The following ROBO2 variants were observed in gnomAD, a reference collection of about 807,000 sequenced individuals.
The protein encoded by ROBO2 is roundabout homolog 2.
In ROBO2, 53 loss-of-function variants were observed where a neutral mutation model predicts 160.8. That is an observed-to-expected ratio of 0.33 (90% CI 0.26 to 0.41). The LOEUF is 0.41. Ranked by LOEUF, ROBO2 falls within the 10% of genes least tolerant of loss-of-function variation. ROBO2 has a pLI of 1.00. For synonymous variants in ROBO2, 664 were observed against 611.7 expected, an observed-to-expected ratio of 1.09 and a Z score of -1.26; for missense variants, 1,577 against 1,722.4, an observed-to-expected ratio of 0.92 and a Z score of 1.49.
intron 2 of ROBO2, among the ~76,000 whole-genome samples, chr3:77,117,694 T>G (rs903200685): frequency 2.0e-5 from 3 of 152,200 alleles, no homozygotes; most frequent in African/African-American, 7.2e-5. Context: ...GTTGAGAAAT[T>G]AATAGATTGT....
At chr3:77,109,173 T>A (rs2073241521) in intron 2 of ROBO2, among the ~76,000 whole-genome samples, 1 of 152,228 alleles carries the variant, frequency 6.6e-6, no homozygotes, top group Admixed American at 6.5e-5. Flanking sequence ...GCTAGAGTTT[T>A]GTACAGTACC....
At chr3:76,903,566 G>A (rs1236211333) in intron 2 of ROBO2, among the ~76,000 whole-genome samples, 1 of 152,048 alleles carries the variant, frequency 6.6e-6, no homozygotes, top group Non-Finnish European at 1.5e-5. Flanking sequence ...CACCATCCCA[G>A]TACTGGTAGT....
At chr3:77,024,532 G>T (rs1222191393) in intron 2 of ROBO2, among the ~76,000 whole-genome samples, 2 of 152,084 alleles carry the variant, frequency 1.3e-5, no homozygotes, top group East Asian at 3.9e-4. Flanking sequence ...TGTTTAGGGA[G>T]AATGGTGTAC....
chr3:77,365,612 C>T (rs1038980582), intron 2 of ROBO2, among the ~76,000 whole-genome samples: 4 of 152,126 alleles, frequency 2.6e-5, no homozygotes, highest in Non-Finnish European at 4.4e-5. Flanking sequence ...GTAACACTCA[C>T]TTTGTGTACC....
intron 2 of ROBO2, among the ~76,000 whole-genome samples, chr3:77,180,990 C>T (rs1346050994): frequency 6.6e-6 from 1 of 152,040 alleles, no homozygotes; most frequent in Non-Finnish European, 1.5e-5. Context: ...CTGCCAAACT[C>T]AACAGACACC....
chr3:77,574,843 G>A (rs2093721829), intron 14 of ROBO2, 113 bp downstream of exon 15: 2 of 798,436 alleles, frequency 2.5e-6, no homozygotes, highest in Non-Finnish European at 4.2e-6. Context: ...AAAGTAAATT[G>A]AGGAAGTGTC....
intron 2 of ROBO2, among the ~76,000 whole-genome samples, chr3:76,215,732 C>G (rs1009724663): frequency 1.3e-5 from 2 of 152,188 alleles, no homozygotes; most frequent in Non-Finnish European, 2.9e-5. Context: ...TTGGAAAACT[C>G]TCTTCAGGTT....
chr3:77,336,674 G>A (rs757420234), intron 2 of ROBO2, among the ~76,000 whole-genome samples: 11 of 152,152 alleles, frequency 7.2e-5, no homozygotes, highest in Non-Finnish European at 1.3e-4. Context: ...GAAAGTAGCT[G>A]ATAAAAGCAG....
chr3:77,324,699 G>A (rs1329037685), intron 2 of ROBO2, among the ~76,000 whole-genome samples: 2 of 150,354 alleles, frequency 1.3e-5, no homozygotes, highest in South Asian at 2.1e-4. Context: ...GGAGAATGGC[G>A]TGAACCTGGG....
At chr3:76,368,830 A>T (rs2075962775) in intron 2 of ROBO2, among the ~76,000 whole-genome samples, 2 of 151,956 alleles carry the variant, frequency 1.3e-5, no homozygotes, top group Non-Finnish European at 2.9e-5. Flanking sequence ...ATTGAGACTA[A>T]AGATACCTTG....
At chr3:76,798,611 G>T (rs1047256851) in intron 2 of ROBO2, among the ~76,000 whole-genome samples, 4 of 152,118 alleles carry the variant, frequency 2.6e-5, no homozygotes, top group African/African-American at 9.7e-5. Context: ...TGGATATAAG[G>T]CTAGGTGCAG....
chr3:77,299,356 T>C (rs532622514), intron 2 of ROBO2, among the ~76,000 whole-genome samples: 1 of 152,252 alleles, frequency 6.6e-6, no homozygotes, highest in South Asian at 2.1e-4. Context: ...CCTAGAGATA[T>C]ATTAGTTTGT....
intron 2 of ROBO2, among the ~76,000 whole-genome samples, chr3:76,453,596 G>C (rs2077590231): frequency 6.6e-6 from 1 of 152,154 alleles, no homozygotes. Context: ...AGTATAGTTT[G>C]AAGTCAGGTA....
At chr3:76,922,266 G>C (rs1347125017) in intron 2 of ROBO2, among the ~76,000 whole-genome samples, 2 of 152,250 alleles carry the variant, frequency 1.3e-5, no homozygotes, top group African/African-American at 2.4e-5. Flanking sequence ...AGCCGAGATC[G>C]CACCACTGCA....
In ROBO2 at chr3:76,803,237, G is replaced by A. The variant is rs1167032; in HGVS notation, c.110-294777G>A. 4.8e-3 allele frequency among the ~76,000 whole-genome samples: 726 copies of A among 152,188 alleles called. 7 individuals carry two copies. Among genetic ancestry groups the A allele is most frequent in the African/African-American group, 0.017 (688 of 41,508 alleles). On this transcript the variant is annotated intron_variant, in intron 2 of 26. Coordinates refer to the ROBO2 transcript ENST00000487694. ...ATTTTTGAGGAATTCAGAGGAGGTC[G>A]TTAGGTTTAATTTAATGAACTTGAA...
chr3:77,571,584 G>A (rs1056375918), intron 13 of ROBO2, among the ~76,000 whole-genome samples: 6 of 152,134 alleles, frequency 3.9e-5, no homozygotes, highest in African/African-American at 1.2e-4. Context: ...TGAAGTTCTC[G>A]TAATCATTTT....
At chr3:77,605,950 T>G (rs2094519069) in intron 20 of ROBO2, among the ~76,000 whole-genome samples, 1 of 152,222 alleles carries the variant, frequency 6.6e-6, no homozygotes, top group African/African-American at 2.4e-5. Context: ...TAGCTCAGTC[T>G]GTTCCCCTTT....
At chr3:76,266,232 T>C (rs1707092733) in intron 2 of ROBO2, among the ~76,000 whole-genome samples, 1 of 152,140 alleles carries the variant, frequency 6.6e-6, no homozygotes, top group South Asian at 2.1e-4. Flanking sequence ...CATGATCCTT[T>C]TAATGTAAAT....
At chr3:76,410,879 A>G (rs2075451231) in intron 2 of ROBO2, among the ~76,000 whole-genome samples, 2 of 152,206 alleles carry the variant, frequency 1.3e-5, no homozygotes. Flanking sequence ...ATCATATTTA[A>G]AATTGAATTA....
Sources: gnomAD v4.1 joint callset for allele counts (sites outside exome capture counted in the v4.1 genomes callset) on GRCh38, gnomAD v4.1.1 for gene constraint, MANE v1.5 for transcripts, NCBI Gene and HGNC (gene_info 2026-07-23, HGNC 2026-07-21) for gene names.